The following PLCXD3 variants were observed in gnomAD, a reference collection of about 807,000 sequenced individuals.
PLCXD3 encodes PI-PLC X domain-containing protein 3.
Under a neutral mutation model 25.5 loss-of-function variants are expected in PLCXD3, and 19 were observed. That is an observed-to-expected ratio of 0.75 (90% CI 0.52 to 1.09). The LOEUF (loss-of-function observed/expected upper bound fraction) is 1.09. Among genes scored for constraint, PLCXD3 ranks in the 50% least tolerant of loss-of-function variants. The pLI is 0.00. For synonymous variants in PLCXD3, 174 were observed against 137.6 expected (o/e 1.26, Z -1.85); for missense variants, 411 against 388.1 (o/e 1.06, Z -0.50).
At chr5:41,419,914 A>G (rs1356730771) in intron 1 of PLCXD3, among the ~76,000 whole-genome samples, 1 of 152,202 alleles carries the variant, frequency 6.6e-6, no homozygotes, top group South Asian at 2.1e-4. Context: ...TTGTTAGAAA[A>G]TTATTTCTCT....
chr5:41,435,276 A>T (rs759607566), intron 1 of PLCXD3, among the ~76,000 whole-genome samples: 8 of 152,228 alleles, frequency 5.3e-5, no homozygotes, highest in Non-Finnish European at 1.2e-4. Context: ...GTTCTACCAC[A>T]ATTTGTATAA....
At chr5:41,470,730 A>C (rs969545481) in intron 1 of PLCXD3, among the ~76,000 whole-genome samples, 1 of 152,198 alleles carries the variant, frequency 6.6e-6, no homozygotes, top group Non-Finnish European at 1.5e-5. Context: ...CAGGAAAAAG[A>C]CTAGAATATT....
At chr5:41,464,722 C>A (rs1204919890) in intron 1 of PLCXD3, among the ~76,000 whole-genome samples, 1 of 152,024 alleles carries the variant, frequency 6.6e-6, no homozygotes, top group African/African-American at 2.4e-5. Context: ...GAATTCTCAT[C>A]CATTATCTCA....
At chr5:41,470,379 GA>G (rs61142255) in intron 1 of PLCXD3, among the ~76,000 whole-genome samples, 3 of 151,968 alleles carry the variant, frequency 2.0e-5, no homozygotes, top group South Asian at 4.2e-4. Flanking sequence ...ACAGAAATCT[GA>G]AAAAAACATA....
At chr5:41,492,113 C>T (rs1561289186) in intron 1 of PLCXD3, among the ~76,000 whole-genome samples, 3 of 152,142 alleles carry the variant, frequency 2.0e-5, no homozygotes, top group Non-Finnish European at 4.4e-5. Flanking sequence ...TTCAGGAGCT[C>T]TTTTAGGGCA....
chr5:41,490,499 C>A (rs1360368170), intron 1 of PLCXD3, among the ~76,000 whole-genome samples: 1 of 152,108 alleles, frequency 6.6e-6, no homozygotes, highest in East Asian at 1.9e-4. Flanking sequence ...GGAATAGTTT[C>A]AGAAGGAATG....
chr5:41,400,738 A>C (rs2150499620), intron 1 of PLCXD3, among the ~76,000 whole-genome samples: 1 of 152,120 alleles, frequency 6.6e-6, no homozygotes, highest in Non-Finnish European at 1.5e-5. Context: ...TAATGGGTAC[A>C]AAAAAACTAG....
At chr5:41,430,571 T>A (rs930153427) in intron 1 of PLCXD3, among the ~76,000 whole-genome samples, 1 of 152,118 alleles carries the variant, frequency 6.6e-6, no homozygotes. Context: ...GAGTTTCGCT[T>A]GCCTCTCTAC....
At chr5:41,379,066 C>T (rs551816774) in intron 2 of PLCXD3, among the ~76,000 whole-genome samples, 1 of 152,170 alleles carries the variant, frequency 6.6e-6, no homozygotes, top group African/African-American at 2.4e-5. Context: ...ATGCTGGAAG[C>T]TGGAAGAGGT....
At chr5:41,499,674 A>G (rs1262356538) in intron 1 of PLCXD3, among the ~76,000 whole-genome samples, 1 of 151,788 alleles carries the variant, frequency 6.6e-6, no homozygotes, top group Non-Finnish European at 1.5e-5. Context: ...TAGGACTCCA[A>G]AAACCCTCAT....
At chr5:41,501,336 A>G (rs1387561339) in intron 1 of PLCXD3, among the ~76,000 whole-genome samples, 2 of 152,080 alleles carry the variant, frequency 1.3e-5, no homozygotes, top group African/African-American at 4.8e-5. Context: ...GTATATACAT[A>G]CAAATGTACT....
chr5:41,348,356 G>A (rs770982520), intron 2 of PLCXD3, among the ~76,000 whole-genome samples: 4 of 152,130 alleles, frequency 2.6e-5, no homozygotes, highest in Non-Finnish European at 5.9e-5. Context: ...ATTCTTGTCA[G>A]AAAGTCATTT....
intron 1 of PLCXD3, among the ~76,000 whole-genome samples, chr5:41,423,003 A>AT (rs1375012164): frequency 6.6e-6 from 1 of 152,012 alleles, no homozygotes; most frequent in Admixed American, 6.5e-5. Context: ...AAAAGTATTA[A>AT]TTTTTTAAAA....
intron 2 of PLCXD3, among the ~76,000 whole-genome samples, chr5:41,349,873 A>C (rs1161210102): frequency 6.6e-6 from 1 of 152,018 alleles, no homozygotes. Flanking sequence ...TGCTGTACCC[A>C]TAAATTCCCA....
At chr5:41,409,220 G>T (rs994615953) in intron 1 of PLCXD3, among the ~76,000 whole-genome samples, 1 of 152,184 alleles carries the variant, frequency 6.6e-6, no homozygotes, top group Non-Finnish European at 1.5e-5. Flanking sequence ...TGCCCCCAAA[G>T]ATGACCTATG....
chr5:41,317,348 C>A (rs1428854694), intron 2 of PLCXD3, among the ~76,000 whole-genome samples: 1 of 152,178 alleles, frequency 6.6e-6, no homozygotes, highest in Non-Finnish European at 1.5e-5. Flanking sequence ...GATCACAATA[C>A]CTTAGTCTTT....
chr5:41,387,624 C>G (rs1745677851), intron 1 of PLCXD3, among the ~76,000 whole-genome samples: 3 of 152,036 alleles, frequency 2.0e-5, no homozygotes, highest in Admixed American at 1.3e-4. Flanking sequence ...AAGTTAGTCT[C>G]TCTGTGTAAA....
At chr5:41,438,500 A>T (rs1747306941) in intron 1 of PLCXD3, among the ~76,000 whole-genome samples, 1 of 152,190 alleles carries the variant, frequency 6.6e-6, no homozygotes, top group Non-Finnish European at 1.5e-5. Flanking sequence ...CCATTTGCAG[A>T]GAGGAGAAGC....
At chr5:41,315,602 A>G (rs1313703435) in intron 2 of PLCXD3, among the ~76,000 whole-genome samples, 1 of 152,206 alleles carries the variant, frequency 6.6e-6, no homozygotes, top group African/African-American at 2.4e-5. Context: ...AAATCAGATG[A>G]GTACCTTTAG....
Sources: allele counts gnomAD v4.1 joint callset (sites outside exome capture counted in the v4.1 genomes callset), GRCh38; gene constraint gnomAD v4.1.1; transcripts MANE v1.5; gene names NCBI Gene and HGNC (gene_info 2026-07-23, HGNC 2026-07-21).